Variants in GLI3 observed in about 807,000 individuals in gnomAD.
GLI3 encodes the protein GLI family zinc finger 3, also known as transcription activator GLI3.
In GLI3, 20 loss-of-function variants were observed where a neutral mutation model predicts 100.8. The ratio of observed to expected loss-of-function variants is 0.20; its 90% CI spans 0.14 to 0.29. The LOEUF (loss-of-function observed/expected upper bound fraction) is 0.29. Among genes scored for constraint, GLI3 ranks in the 10% least tolerant of loss-of-function variants. The probability of loss-of-function intolerance (pLI) is 1.00; values close to 1 mark genes in which losing one functional copy is unlikely to be tolerated. For synonymous variants in GLI3, 938 were observed against 860.5 expected, an observed-to-expected ratio of 1.09 and a Z score of -1.58; for missense variants, 2,040 against 2,128.5, an observed-to-expected ratio of 0.96 and a Z score of 0.82.
intron 10 of GLI3, among the ~76,000 whole-genome samples, chr7:41,984,211 T>C (rs1787751847): frequency 6.6e-6 from 1 of 152,218 alleles, no homozygotes. Context: ...CAATGGACTT[T>C]ACTGAGCTAA....
intron 2 of GLI3, among the ~76,000 whole-genome samples, chr7:42,175,771 A>G (rs1276940908): frequency 6.6e-6 from 1 of 152,242 alleles, no homozygotes; most frequent in Non-Finnish European, 1.5e-5. Context: ...ATGATGTATA[A>G]TAACACTAAC....
intron 3 of GLI3, among the ~76,000 whole-genome samples, chr7:42,113,064 TC>T (rs894578208): frequency 1.3e-5 from 2 of 151,964 alleles, no homozygotes; most frequent in Non-Finnish European, 2.9e-5. Context: ...TCCCAGCTAC[TC>T]ACTCGGGAGG....
intron 1 of GLI3, among the ~76,000 whole-genome samples, chr7:42,256,412 T>A (rs1179806745): frequency 6.6e-6 from 1 of 152,204 alleles, no homozygotes; most frequent in East Asian, 1.9e-4. Context: ...TCTATATTTT[T>A]AGCTCTTAGA....
In GLI3 at chr7:42,048,499, G is replaced by A; in HGVS notation, c.671C>T (p.Pro224Leu). The A allele has an allele frequency of 1.9e-6, 3 of 1,610,776 alleles. No homozygotes were observed. The Middle Eastern group carries it at 5.1e-4, about 272-fold the overall frequency. ...ATCCATCCTGGACTTACCATCTGTAGGGCTCAGCCCACGGGTTGCTGAGAT... is the reference window on the plus strand; with the variant it reads ...ATCCATCCTGGACTTACCATCTGTAAGGCTCAGCCCACGGGTTGCTGAGAT... ...SMISATRGLS[P>L]TDAPHAGVSP... Residue 224 changes from proline (P) to leucine (L), a missense_variant, in exon 5 of 15, where the codon CCT becomes CTT. Around this residue, in one of 5 missense-constraint regions of GLI3, gnomAD observed 603 missense variants for 690.9 expected, o/e 0.87. Coordinates refer to ENST00000395925, the MANE Select transcript of GLI3 (RefSeq NM_000168.6).
At chr7:42,055,671 G>A (rs1784445126) in intron 4 of GLI3, among the ~76,000 whole-genome samples, 1 of 152,014 alleles carries the variant, frequency 6.6e-6, no homozygotes, top group South Asian at 2.1e-4. Flanking sequence ...CACTCCATCA[G>A]CCCCCAGGCC....
At chr7:42,199,155 C>T (rs1480203741) in intron 2 of GLI3, among the ~76,000 whole-genome samples, 3 of 152,098 alleles carry the variant, frequency 2.0e-5, no homozygotes, top group Admixed American at 6.6e-5. Context: ...GCTTTGAAAA[C>T]GCACAAAGCT....
intron 7 of GLI3, among the ~76,000 whole-genome samples, chr7:42,037,050 A>G (rs1789462436): frequency 1.3e-5 from 2 of 152,200 alleles, no homozygotes; most frequent in African/African-American, 4.8e-5. Flanking sequence ...CTGAGGCAGA[A>G]GAATCGCTTG....
rs1420049770 is a variant in GLI3 at position 41,966,621 on chromosome 7, A to G, written c.2452T>C (p.Cys818Arg). 1.9e-6 allele frequency: 3 copies of G among 1,614,114 alleles called. No individual in the cohort carries two copies. Among genetic ancestry groups the G allele is most frequent in the Admixed American group, 3.3e-5 (2 of 60,034 alleles). The change falls in exon 15 of 15, where the codon TGC becomes CGC. Residue 818 changes from cysteine (C) to arginine (R), a missense_variant. Physicochemically the swap from Cys to Arg is radical, Grantham distance 180 (BLOSUM62 -3). Around this residue, in one of 5 missense-constraint regions of GLI3, gnomAD observed 327 missense variants for 338.7 expected, o/e 0.97. Coordinates refer to ENST00000395925, the MANE Select transcript of GLI3 (RefSeq NM_000168.6). The surrounding 1 kb of genome is among the most constrained non-coding windows in gnomAD (Gnocchi z 5.8). The part of the protein sequence containing the change: ...IGNGTQSNNT[C>R]SLGGPMTLLP... ...AGCGTCATGGGCCCACCCAAGCTGC[A>G]GGTGTTGTTGGACTGTGTGCCTGGA...
rs1787391507 is a variant in GLI3, at chr7:42,172,392, G to C, written c.125-23924C>G. On this transcript the variant is annotated intron_variant, in intron 2 of 14. Coordinates refer to ENST00000395925, the MANE Select transcript of GLI3 (RefSeq NM_000168.6). ...AACTCACTGCCTCTGTGGTAGAGGAGAATTTGCATGGCTGGCATTTCTATC... is the reference window on the plus strand; with the variant it reads ...AACTCACTGCCTCTGTGGTAGAGGACAATTTGCATGGCTGGCATTTCTATC... 3.9e-5 allele frequency: 24 copies of C among 612,328 alleles called. No individual in the cohort carries two copies. In the South Asian group the frequency reaches 4.5e-4, roughly 11 times the overall value. 37.9% of individuals were successfully genotyped at this position (612,328 alleles called of 1,614,324 possible). A position where few individuals can be genotyped will look rare whatever the true frequency, so the allele number is the denominator to read the frequency against.
intron 2 of GLI3, among the ~76,000 whole-genome samples, chr7:42,206,721 G>T (rs546077314): frequency 6.6e-6 from 1 of 152,248 alleles, no homozygotes; most frequent in East Asian, 1.9e-4. Flanking sequence ...ATCTGAAAGA[G>T]TATGGTACAA....
chr7:42,069,702 G>A (rs560201106), intron 4 of GLI3, among the ~76,000 whole-genome samples: 23 of 152,140 alleles, frequency 1.5e-4, no homozygotes, highest in Non-Finnish European at 3.2e-4. Context: ...TTTAGACCAA[G>A]GTTGGCAAAC....
At chr7:42,063,705 C>T (rs1419928369) in intron 4 of GLI3, among the ~76,000 whole-genome samples, 11 of 152,164 alleles carry the variant, frequency 7.2e-5, no homozygotes, top group Admixed American at 1.3e-4. Context: ...TCCTGCCATT[C>T]GTCAAATACC....
intron 3 of GLI3, among the ~76,000 whole-genome samples, chr7:42,132,225 C>T (rs926264869): frequency 3.3e-5 from 5 of 151,938 alleles, no homozygotes; most frequent in South Asian, 2.1e-4. Flanking sequence ...CTCAGCCTCC[C>T]GAGTAGCTGG....
intron 1 of GLI3, among the ~76,000 whole-genome samples, chr7:42,232,970 G>A (rs1005513450): frequency 2.0e-5 from 3 of 152,066 alleles, no homozygotes; most frequent in African/African-American, 4.8e-5. Flanking sequence ...CAAATATAGC[G>A]CATTTAGAAT....
chr7:42,031,562 C>T lies in GLI3; in HGVS notation c.1029-5150G>A, dbSNP rs186086998. Among the ~76,000 whole-genome samples the T allele has an allele frequency of 1.3e-4, 20 of 152,358 alleles. No homozygotes were observed. In the Middle Eastern group the frequency reaches 0.01, roughly 78 times the overall value. On this transcript the variant is annotated intron_variant, in intron 7 of 14. Transcript: ENST00000395925. ...AGGATGTGGAGGAGCTTCCAGAGAC[C>T]AGTGTTCCTCACAATACACTTTGAG...
chr7:42,014,473 T>C (rs1458711436), intron 10 of GLI3, among the ~76,000 whole-genome samples: 1 of 152,366 alleles, frequency 6.6e-6, no homozygotes, highest in African/African-American at 2.4e-5. Context: ...GCTATAATCA[T>C]AGATAAAATT....
chr7:42,251,139 C>G (rs1789026548), intron 1 of GLI3, among the ~76,000 whole-genome samples: 1 of 152,226 alleles, frequency 6.6e-6, no homozygotes, highest in Non-Finnish European at 1.5e-5. Flanking sequence ...TGGGGCAACA[C>G]TGGGCCTTAG....
chr7:42,193,182 A>G (rs1420756447), intron 2 of GLI3, among the ~76,000 whole-genome samples: 1 of 152,222 alleles, frequency 6.6e-6, no homozygotes, highest in Non-Finnish European at 1.5e-5. Context: ...AGGCACAACT[A>G]CTTGAGACTT....
chr7:41,976,174 A>T (rs1325905368), intron 12 of GLI3, among the ~76,000 whole-genome samples: 3 of 152,136 alleles, frequency 2.0e-5, no homozygotes, highest in Admixed American at 6.5e-5. Context: ...TAGACTCCCT[A>T]AAATTTTGTA....
Sources: gnomAD v4.1 joint callset for allele counts (sites outside exome capture counted in the v4.1 genomes callset) on GRCh38, gnomAD v4.1.1 for gene constraint, gnomAD v4.1.1 regional missense constraint, Gnocchi (gnomAD v3.1) non-coding constraint, MANE v1.5 for transcripts, NCBI Gene and HGNC (gene_info 2026-07-23, HGNC 2026-07-21) for gene names.